The following POLH variants were observed in gnomAD, a reference collection of about 807,000 sequenced individuals.
The protein encoded by POLH is DNA polymerase eta.
Under a neutral mutation model 73.6 loss-of-function variants are expected in POLH, and 53 were observed. The ratio of observed to expected loss-of-function variants is 0.72; its 90% CI spans 0.58 to 0.91. The LOEUF is 0.91. Ranked by LOEUF, POLH falls within the 40% of genes least tolerant of loss-of-function variation. POLH has a pLI of 0.00. For synonymous variants in POLH, 292 were observed against 308.5 expected (o/e 0.95, Z 0.56); for missense variants, 768 against 865.4 (o/e 0.89, Z 1.41).
intron 3 of POLH, 25 bp from the exon 4 acceptor site, chr6:43,587,247 C>T: frequency 6.4e-7 from 1 of 1,571,294 alleles, no homozygotes; most frequent in Non-Finnish European, 8.8e-7. Context: ...TTATTGCCTG[C>T]ATGAATGATC....
chr6:43,591,893 T>C (rs912471370), intron 4 of POLH, among the ~76,000 whole-genome samples: 2 of 152,224 alleles, frequency 1.3e-5, no homozygotes, highest in African/African-American at 2.4e-5. Context: ...TGAAGCATTC[T>C]ATTATCTCTG....
intron 5 of POLH, among the ~76,000 whole-genome samples, chr6:43,599,659 T>C (rs1766509196): frequency 6.9e-6 from 1 of 145,132 alleles, no homozygotes; most frequent in African/African-American, 2.6e-5. Flanking sequence ...CCTGGTTGGA[T>C]GAAGGGAAAG....
intron 7 of POLH, 56 bp from the exon 8 acceptor site, chr6:43,604,559 T>C: frequency 1.3e-6 from 2 of 1,587,546 alleles, no homozygotes; most frequent in Non-Finnish European, 1.7e-6. Flanking sequence ...TTTGGTTTTG[T>C]TTTAACAAGA....
chr6:43,605,288 T>A lies in POLH; in HGVS notation c.1043T>A (p.Leu348Gln). 1 of 1,597,808 alleles carries A rather than the reference T, an allele frequency of 6.3e-7. No homozygotes were observed. Among genetic ancestry groups the A allele is most frequent in the Non-Finnish European group, 8.6e-7 (1 of 1,165,428 alleles). Residue 348 changes from leucine (L) to glutamine (Q), a missense_variant, in exon 9 of 11, where the codon CTA becomes CAA. By Grantham distance (113) the Leu-to-Gln change is moderately radical (BLOSUM62 -2). Transcript: ENST00000372236. ...TGGCTGTTGCAATTAGCCCAGGAAC[T>A]AGAGGAGAGACTGACTAAAGACCGA... ...QWWLLQLAQE[L>Q]EERLTKDRND...
In POLH at chr6:43,615,378, C is replaced by T. The variant is rs937909734; in HGVS notation, c.*821C>T. The T allele has an allele frequency of 1.3e-5, 2 of 151,872 alleles. No homozygotes were observed. Among genetic ancestry groups the T allele is most frequent in the African/African-American group, 2.4e-5 (1 of 41,306 alleles). The allele number at this position is 151,872 out of a possible 1,614,324, so 9.4% of individuals were successfully genotyped here. A position where few individuals can be genotyped will look rare whatever the true frequency, so the allele number is the denominator to read the frequency against. On this transcript the variant is annotated 3_prime_UTR_variant, in exon 11 of 11. Transcript: ENST00000372236. ...GAGTTTCAGACCAATATGGTGAAAC[C>T]CCATCTCTACTAAAATTACAAAAAA...
chr6:43,595,845 C>CT (rs112457060), intron 4 of POLH, among the ~76,000 whole-genome samples: 15,072 of 146,838 alleles, frequency 0.1, 1,526 homozygotes, highest in African/African-American at 0.27. Flanking sequence ...ATGTATTTTT[C>CT]TTTTTTTTTT....
chr6:43,596,174 A>C (rs1376417177), intron 4 of POLH, among the ~76,000 whole-genome samples: 1 of 152,212 alleles, frequency 6.6e-6, no homozygotes, highest in Non-Finnish European at 1.5e-5. Context: ...AGCAAAGGAA[A>C]GAAGAACAGA....
In POLH at chr6:43,603,879, C is replaced by T; in HGVS notation, c.765-13C>T. 1 of 1,613,104 alleles carries T rather than the reference C, an allele frequency of 6.2e-7. No individual in the cohort carries two copies. The highest frequency in any genetic ancestry group is 8.5e-7 in the Non-Finnish European group (1 of 1,179,330). On this transcript the variant is annotated splice_polypyrimidine_tract_variant and intron_variant, in intron 6 of 10. Transcript: ENST00000372236. ...GATGTGACCTATCAATTCTTTGTCTCCTTTGTTATCAGCCGTAGTCTTGGA... is the reference window on the plus strand; with the variant it reads ...GATGTGACCTATCAATTCTTTGTCTTCTTTGTTATCAGCCGTAGTCTTGGA...
intron 3 of POLH, among the ~76,000 whole-genome samples, chr6:43,585,816 A>G (rs1764741930): frequency 6.6e-6 from 1 of 150,610 alleles, no homozygotes. Context: ...GGCTAATTTT[A>G]TATTTTTAGT....
intron 5 of POLH, among the ~76,000 whole-genome samples, chr6:43,600,354 G>A (rs1339025858): frequency 2.0e-5 from 3 of 152,058 alleles, no homozygotes; most frequent in Non-Finnish European, 4.4e-5. Context: ...GTGCGGGGGC[G>A]GTTGCAGTGA....
chr6:43,581,683 GGCGGCTGCGGTCGGTCGCGGCA>G (rs1372956530), intron 1 of POLH, among the ~76,000 whole-genome samples: 1 of 129,860 alleles, frequency 7.7e-6, no homozygotes, highest in Non-Finnish European at 1.5e-5. Context: ...GTCGGGCGGC[GGCGGCTGCGGTCGGTCGCGGCA>G]GCGGCTCCGC....
rs756148837 is a variant in POLH, at chr6:43,582,452, G to A, written c.133G>A (p.Gly45Ser). ...TGTACAGTACAAATCATGGAAGGGT[G>A]GTGGGTATGTATCATTGTTATTGTC... ...AVVQYKSWKGGGIIAVSYEAR... is the reference protein window; with the variant it reads ...AVVQYKSWKGSGIIAVSYEAR... The change falls in exon 2 of 11, where the codon GGT becomes AGT. Residue 45 changes from glycine to serine, a missense_variant. Gly to Ser is a moderately conservative substitution (Grantham distance 56, BLOSUM62 0). Transcript: ENST00000372236. 24 of 1,613,578 alleles carry A rather than the reference G, an allele frequency of 1.5e-5. No individual in the cohort carries two copies. The highest frequency in any genetic ancestry group is 2.2e-5 in the East Asian group (1 of 44,894).
At chr6:43,579,444 G>A (rs905203366) in intron 1 of POLH, among the ~76,000 whole-genome samples, 1 of 152,108 alleles carries the variant, frequency 6.6e-6, no homozygotes, top group Non-Finnish European at 1.5e-5. Context: ...AAGAGGAGAG[G>A]GTTCGAAGAG....
chr6:43,613,905 C>A lies in POLH; in HGVS notation c.1490C>A (p.Ser497Ter). ...AAERQKVKEA[S>*]LSSLTAPTQA... ...GAAAGGCAGAAAGTTAAAGAAGCTT[C>A]GCTTTCATCTCTTACTGCTCCCACT... The change falls in exon 11 of 11, where the codon TCG (serine) becomes TAG (stop). Residue 497 changes from serine to a stop codon, truncating the protein, a stop_gained. Coordinates refer to ENST00000372236, the MANE Select transcript of POLH (RefSeq NM_006502.3). LOFTEE classifies it high-confidence loss of function. The A allele has an allele frequency of 6.2e-7, 1 of 1,613,852 alleles. No homozygotes were observed. The highest frequency in any genetic ancestry group is 8.5e-7 in the Non-Finnish European group (1 of 1,180,050).
intron 4 of POLH, chr6:43,591,359 A>C (rs1372518581): frequency 1.3e-5 from 2 of 151,990 alleles, no homozygotes; most frequent in African/African-American, 4.8e-5. Flanking sequence ...TTTTGGTGTC[A>C]CCCAGGCTGG....
chr6:43,614,105 C>G lies in POLH; in HGVS notation c.1690C>G (p.Pro564Ala). 1 of 1,614,098 alleles carries G rather than the reference C, an allele frequency of 6.2e-7. No homozygotes were observed. The change falls in exon 11 of 11, where the codon CCA becomes GCA. Residue 564 changes from proline to alanine, a missense_variant. Physicochemically the swap from Pro to Ala is conservative, Grantham distance 27. Transcript: ENST00000372236. ...CCCATGGTCCAACTGTAAAGCATTACCAAACTCTTTACCAACAGAGTATCC... is the reference window on the plus strand; with the variant it reads ...CCCATGGTCCAACTGTAAAGCATTAGCAAACTCTTTACCAACAGAGTATCC... ...QNPWSNCKAL[P>A]NSLPTEYPGC...
chr6:43,616,437 A>C lies in POLH; in HGVS notation c.*1880A>C, dbSNP rs1206672476. ...GGCAAAACCCCGTCTCTACTAAAAA[A>C]AATTAGCTGGGCTTGGTGGCAGGCG... is the stretch of plus-strand genomic sequence containing the variant. On this transcript the variant is annotated 3_prime_UTR_variant, in exon 11 of 11. Coordinates refer to ENST00000372236, the MANE Select transcript of POLH (RefSeq NM_006502.3). Among the ~76,000 whole-genome samples the C allele has an allele frequency of 1.3e-5, 2 of 151,410 alleles. No homozygotes were observed. Among genetic ancestry groups the C allele is most frequent in the Non-Finnish European group, 1.5e-5 (1 of 67,854 alleles).
At chr6:43,604,773 T>TA in intron 8 of POLH, 35 bp downstream of exon 8, 1 of 1,613,342 alleles carries the variant, frequency 6.2e-7, no homozygotes, top group South Asian at 1.1e-5. Context: ...ACTACCTCTT[T>TA]TAAAGGGGTC....
chr6:43,582,255 G>C, intron 1 of POLH, 61 bp from the exon 2 acceptor site: 7 of 1,504,144 alleles, frequency 4.7e-6, no homozygotes, highest in Middle Eastern at 1.7e-4. Flanking sequence ...TGGAATTACA[G>C]TTTTCCCTGG....
Sources: gnomAD v4.1 joint callset for allele counts (sites outside exome capture counted in the v4.1 genomes callset) on GRCh38, gnomAD v4.1.1 for gene constraint, MANE v1.5 for transcripts, NCBI Gene and HGNC (gene_info 2026-07-23, HGNC 2026-07-21) for gene names.